Variants in DCC observed in about 807,000 individuals in gnomAD.
DCC encodes the protein netrin receptor DCC.
In DCC, 58 loss-of-function variants were observed where a neutral mutation model predicts 172.5. The ratio of observed to expected loss-of-function variants is 0.34; its 90% CI spans 0.27 to 0.42. DCC has a LOEUF of 0.42. Among genes scored for constraint, DCC ranks in the 10% least tolerant of loss-of-function variants. The pLI, the probability that DCC is intolerant of heterozygous loss-of-function variation, is 1.00. For synonymous variants in DCC, 709 were observed against 644.5 expected (o/e 1.10, Z -1.52); for missense variants, 1,740 against 1,791.0 (o/e 0.97, Z 0.51).
intron 7 of DCC, among the ~76,000 whole-genome samples, chr18:53,091,248 C>G (rs1250501930): frequency 6.6e-6 from 1 of 151,410 alleles, no homozygotes; most frequent in Admixed American, 6.6e-5. Flanking sequence ...AGCTTTTCAT[C>G]TCTCTCAAAC....
intron 1 of DCC, among the ~76,000 whole-genome samples, chr18:52,614,449 A>C (rs1419668841): frequency 6.6e-6 from 1 of 152,152 alleles, no homozygotes; most frequent in Non-Finnish European, 1.5e-5. Context: ...AGTTGCACCT[A>C]AAAATATTAG....
intron 12 of DCC, among the ~76,000 whole-genome samples, chr18:53,256,916 GA>G (rs2056524939): frequency 6.6e-6 from 1 of 152,166 alleles, no homozygotes; most frequent in South Asian, 2.1e-4. Flanking sequence ...TCTCCTTGAA[GA>G]GGTCCTTCAC....
intron 1 of DCC, among the ~76,000 whole-genome samples, chr18:52,511,253 C>T (rs904746843): frequency 1.4e-5 from 2 of 140,800 alleles, no homozygotes; most frequent in African/African-American, 5.3e-5. Context: ...TGCACTCCAG[C>T]CTGGGCGACA....
In DCC at chr18:52,397,059, C is replaced by T. The variant is rs142692613; in HGVS notation, c.91+56181C>T. 3.0e-3 allele frequency among the ~76,000 whole-genome samples: 456 copies of T among 152,056 alleles called. 4 individuals are homozygous for T. Among genetic ancestry groups the T allele is most frequent in the African/African-American group, 7.2e-3 (299 of 41,508 alleles). ...AAATGTTACTGCATTTTGCTAATTG[C>T]GGCCACCTCTCAATGAATGGGGATG... On this transcript the variant is annotated intron_variant, in intron 1 of 28. Transcript: ENST00000442544.
At chr18:52,820,521 G>A (rs1301624008) in intron 2 of DCC, among the ~76,000 whole-genome samples, 4 of 151,898 alleles carry the variant, frequency 2.6e-5, no homozygotes, top group African/African-American at 9.7e-5. Flanking sequence ...AGAGCTCGTG[G>A]GTCCATCCAA....
chr18:53,318,340 A>T (rs1012795890), intron 13 of DCC, among the ~76,000 whole-genome samples: 2 of 152,160 alleles, frequency 1.3e-5, no homozygotes, highest in African/African-American at 4.8e-5. Flanking sequence ...ACTGTGGTCT[A>T]AGAGACTATT....
intron 5 of DCC, among the ~76,000 whole-genome samples, chr18:52,953,433 T>C (rs1426137925): frequency 2.6e-5 from 4 of 152,204 alleles, no homozygotes; most frequent in Non-Finnish European, 5.9e-5. Context: ...ACAGGATATA[T>C]TGGGTGATTC....
intron 1 of DCC, among the ~76,000 whole-genome samples, chr18:52,741,318 A>G (rs1160295231): frequency 1.3e-5 from 2 of 152,194 alleles, no homozygotes; most frequent in Non-Finnish European, 2.9e-5. Context: ...AATAGCCTCC[A>G]ATCTAGTTTC....
chr18:52,797,690 C>T (rs1476193255), intron 2 of DCC, among the ~76,000 whole-genome samples: 2 of 152,118 alleles, frequency 1.3e-5, no homozygotes, highest in Non-Finnish European at 2.9e-5. Context: ...TGTGCAGGCA[C>T]CAGCAGTGGT....
chr18:52,421,121 T>A (rs73955625), intron 1 of DCC, among the ~76,000 whole-genome samples: 2,748 of 152,274 alleles, frequency 0.018, 35 homozygotes, highest in South Asian at 0.032. Context: ...ATAGAAAAGT[T>A]ATTGAACTGT....
intron 7 of DCC, among the ~76,000 whole-genome samples, chr18:53,092,096 T>A (rs2043022302): frequency 1.3e-5 from 2 of 152,148 alleles, no homozygotes; most frequent in African/African-American, 4.8e-5. Context: ...ACATGTTCAT[T>A]TTTTGTGTTC....
intron 18 of DCC, among the ~76,000 whole-genome samples, chr18:53,402,337 C>T (rs1307586602): frequency 6.6e-6 from 1 of 151,522 alleles, no homozygotes; most frequent in African/African-American, 2.4e-5. Flanking sequence ...CTGAAGTGAG[C>T]TATGATTGCA....
At chr18:52,715,116 T>C (rs1426738357) in intron 1 of DCC, among the ~76,000 whole-genome samples, 1 of 152,076 alleles carries the variant, frequency 6.6e-6, no homozygotes, top group Non-Finnish European at 1.5e-5. Flanking sequence ...TCTCCTTAGG[T>C]TTATTTTGTT....
intron 28 of DCC, chr18:53,527,007 T>C (rs1371626675): frequency 3.9e-6 from 2 of 506,942 alleles, no homozygotes; most frequent in Non-Finnish European, 7.2e-6. Context: ...CTTAGAAATA[T>C]GACCAGATAG....
chr18:53,094,801 T>G (rs2043062145), intron 7 of DCC, among the ~76,000 whole-genome samples: 1 of 152,172 alleles, frequency 6.6e-6, no homozygotes, highest in Non-Finnish European at 1.5e-5. Flanking sequence ...TCTAAATATC[T>G]ATTTTTTCTA....
intron 12 of DCC, among the ~76,000 whole-genome samples, chr18:53,278,301 G>T (rs1158855470): frequency 6.6e-6 from 1 of 152,048 alleles, no homozygotes; most frequent in East Asian, 1.9e-4. Flanking sequence ...TATATGGAAA[G>T]AAATATTTTC....
chr18:52,631,765 C>T (rs1345268430), intron 1 of DCC, among the ~76,000 whole-genome samples: 1 of 152,180 alleles, frequency 6.6e-6, no homozygotes, highest in Admixed American at 6.5e-5. Context: ...GATCTTCTCA[C>T]CTCAATTGGG....
At chr18:52,671,420 C>T (rs1449250528) in intron 1 of DCC, among the ~76,000 whole-genome samples, 1 of 151,812 alleles carries the variant, frequency 6.6e-6, no homozygotes, top group Non-Finnish European at 1.5e-5. Flanking sequence ...ACTTTTTGAT[C>T]TCTTTCCAAT....
intron 5 of DCC, among the ~76,000 whole-genome samples, chr18:52,976,774 C>T (rs2041125839): frequency 6.6e-6 from 1 of 152,156 alleles, no homozygotes; most frequent in Admixed American, 6.5e-5. Context: ...ATGTTCACTT[C>T]TTAAAGTAGA....
Sources: gnomAD v4.1 joint callset for allele counts (sites outside exome capture counted in the v4.1 genomes callset) on GRCh38, gnomAD v4.1.1 for gene constraint, MANE v1.5 for transcripts, NCBI Gene and HGNC (gene_info 2026-07-23, HGNC 2026-07-21) for gene names.